AK7: variants seen among roughly 807,000 people sequenced by gnomAD.
The protein encoded by AK7 is adenylate kinase 7, also known as ATP-AMP transphosphorylase 7.
AK7 carries 78 observed loss-of-function variants against 96.6 expected under a neutral mutation model. The observed-to-expected ratio is 0.81, with a 90% CI of 0.67 to 0.97. The LOEUF is 0.97. Among genes scored for constraint, AK7 ranks in the 50% least tolerant of loss-of-function variants. AK7 has a pLI of 0.00. For synonymous variants in AK7, 302 were observed against 317.2 expected (o/e 0.95, Z 0.51); for missense variants, 855 against 887.9 (o/e 0.96, Z 0.47).
At chr14:96,469,256 C>T (rs1454832773) in intron 12 of AK7, among the ~76,000 whole-genome samples, 1 of 152,212 alleles carries the variant, frequency 6.6e-6, no homozygotes, top group East Asian at 1.9e-4. Context: ...GGCGGCGGCT[C>T]ATTCCTGTAA....
chr14:96,459,038 G>A (rs1273261302), intron 12 of AK7, among the ~76,000 whole-genome samples: 1 of 150,148 alleles, frequency 6.7e-6, no homozygotes, highest in East Asian at 2.0e-4. Flanking sequence ...AACTTCCTAA[G>A]TTAAAAAGAA....
At chr14:96,406,856 T>C (rs1203625613) in intron 3 of AK7, among the ~76,000 whole-genome samples, 1 of 152,122 alleles carries the variant, frequency 6.6e-6, no homozygotes, top group African/African-American at 2.4e-5. Context: ...TTAAAAAATT[T>C]TTTGTAGAGA....
At chr14:96,424,190 G>A (rs1280294146) in intron 5 of AK7, 1 of 582,450 alleles carries the variant, frequency 1.7e-6, no homozygotes, top group East Asian at 4.2e-5. Context: ...TCCAGGGCCC[G>A]GACCGCTGTC....
chr14:96,397,181 CAAT>C (rs1232342754), intron 1 of AK7, among the ~76,000 whole-genome samples: 2 of 152,012 alleles, frequency 1.3e-5, no homozygotes, highest in East Asian at 1.9e-4. Flanking sequence ...TAAAATATCT[CAAT>C]AATTTTTATA....
intron 17 of AK7, among the ~76,000 whole-genome samples, chr14:96,487,492 C>T (rs1895843354): frequency 1.4e-5 from 2 of 144,592 alleles, no homozygotes; most frequent in African/African-American, 2.6e-5. Flanking sequence ...TGCAGTGGCA[C>T]GTTCTCGGCT....
chr14:96,431,125 T>C (rs1456474740), intron 5 of AK7, among the ~76,000 whole-genome samples: 1 of 152,226 alleles, frequency 6.6e-6, no homozygotes, highest in African/African-American at 2.4e-5. Flanking sequence ...TCATTTTTAT[T>C]GCATCTATTT....
At chr14:96,446,968 A>T (rs779419914) in intron 8 of AK7, among the ~76,000 whole-genome samples, 50 of 152,284 alleles carry the variant, frequency 3.3e-4, no homozygotes, top group African/African-American at 1.1e-3. Flanking sequence ...AAATTAAAAT[A>T]AAAATAAATT....
At position 96,412,044 on chromosome 14, in the gene AK7, C is replaced by T. The variant is rs72706822; in HGVS notation, c.498+3103C>T. Among the ~76,000 whole-genome samples, 1,004 of 152,106 alleles carry T rather than the reference C, an allele frequency of 6.6e-3. 7 individuals carry two copies. The highest frequency in any genetic ancestry group is 8.1e-3 in the Non-Finnish European group (554 of 67,988). On this transcript the variant is annotated intron_variant, in intron 4 of 17. Transcript: ENST00000267584. ...GTCTTTTTCGTTTTGTTTTTAGAGACGAAGTCTATAAAACAGAGCCCTCCA... is the reference window on the plus strand; with the variant it reads ...GTCTTTTTCGTTTTGTTTTTAGAGATGAAGTCTATAAAACAGAGCCCTCCA...
intron 12 of AK7, among the ~76,000 whole-genome samples, chr14:96,471,268 C>G (rs538000976): frequency 3.7e-4 from 55 of 148,730 alleles, no homozygotes; most frequent in African/African-American, 1.3e-3. Context: ...GAGGCTGAGA[C>G]TGCAGTGAGC....
chr14:96,476,245 C>G (rs1566810364), intron 14 of AK7, among the ~76,000 whole-genome samples: 1 of 152,132 alleles, frequency 6.6e-6, no homozygotes, highest in Non-Finnish European at 1.5e-5. Context: ...GTGGCTCACA[C>G]CTGTAATCCC....
chr14:96,462,767 T>C (rs951279598), intron 12 of AK7, among the ~76,000 whole-genome samples: 1 of 152,110 alleles, frequency 6.6e-6, no homozygotes, highest in Middle Eastern at 3.2e-3. Flanking sequence ...CATTGTAAAA[T>C]CTTGGCTTGC....
chr14:96,460,387 T>G (rs1238363881), intron 12 of AK7, among the ~76,000 whole-genome samples: 1 of 152,172 alleles, frequency 6.6e-6, no homozygotes, highest in African/African-American at 2.4e-5. Context: ...TCCTCCCTTC[T>G]TGCTGGTGGC....
In AK7 at chr14:96,399,828, C is replaced by T. The variant is rs1454128514; in HGVS notation, c.294+1565C>T. ...CCTTTAAATGCGGTTTTCCCCAGAG[C>T]TCACTCCCTTCCTACAACAGATGAC... is the stretch of plus-strand genomic sequence containing the variant. On this transcript the variant is annotated intron_variant, in intron 2 of 17. Coordinates refer to ENST00000267584, the MANE Select transcript of AK7 (RefSeq NM_152327.5). This position sits in a 1 kb window ranked among gnomAD's most constrained non-coding sequence, Gnocchi z 4.1. Among the ~76,000 whole-genome samples, 3 of 152,198 alleles carry T rather than the reference C, an allele frequency of 2.0e-5. No individual in the cohort carries two copies. The East Asian group carries it at 5.8e-4, about 29-fold the overall frequency.
intron 5 of AK7, chr14:96,423,557 C>A (rs74086484): frequency 0.029 from 13,796 of 482,726 alleles, 1,611 homozygotes; most frequent in African/African-American, 0.24. Context: ...AAAAGTCACC[C>A]TAAGCCACCA....
intron 7 of AK7, among the ~76,000 whole-genome samples, chr14:96,443,883 C>G (rs1051109573): frequency 3.3e-5 from 5 of 151,686 alleles, no homozygotes; most frequent in Non-Finnish European, 4.4e-5. Context: ...ATGCCATTCT[C>G]CTGCCTCAGC....
chr14:96,453,078 G>A (rs1566794313), intron 10 of AK7, among the ~76,000 whole-genome samples: 2 of 152,104 alleles, frequency 1.3e-5, no homozygotes, highest in Admixed American at 1.3e-4. Context: ...CAAGCATAGT[G>A]TCACCATCAT....
In AK7 at chr14:96,398,300, G is replaced by T. The variant is rs369245246; in HGVS notation, c.294+37G>T. 1.8e-4 allele frequency: 284 copies of T among 1,605,488 alleles called. 1 individual carries two copies. Among genetic ancestry groups the T allele is most frequent in the Admixed American group, 6.7e-5 (4 of 59,970 alleles). On this transcript the variant is annotated intron_variant, in intron 2 of 17. Coordinates refer to ENST00000267584, the MANE Select transcript of AK7 (RefSeq NM_152327.5). ...AGGCTCTGGCCAGGAGTAGACAGAG[G>T]GAAGAGTCACCTTCCGCTCCAACGC... is the stretch of plus-strand genomic sequence containing the variant.
At chr14:96,434,410 C>CTCTG (rs1473501712) in intron 5 of AK7, among the ~76,000 whole-genome samples, 13 of 130,682 alleles carry the variant, frequency 9.9e-5, no homozygotes, top group African/African-American at 2.7e-4. Flanking sequence ...TATACAGTCT[C>CTCTG]TCTGTCTGTC....
intron 5 of AK7, chr14:96,424,201 T>C (rs1891886357): frequency 7.2e-6 from 4 of 559,080 alleles, no homozygotes; most frequent in South Asian, 5.0e-5. Flanking sequence ...GACCGCTGTC[T>C]GAGGTTCACC....
Sources: gnomAD v4.1 joint callset for allele counts (sites outside exome capture counted in the v4.1 genomes callset) on GRCh38, gnomAD v4.1.1 for gene constraint, Gnocchi (gnomAD v3.1) non-coding constraint, MANE v1.5 for transcripts, NCBI Gene and HGNC (gene_info 2026-07-23, HGNC 2026-07-21) for gene names.